Variants in SEL1L3 observed in about 807,000 individuals in gnomAD.
SEL1L3 encodes protein sel-1 homolog 3.
A neutral mutation model predicts 142.8 loss-of-function variants in SEL1L3; 76 were observed. The observed-to-expected ratio is 0.53, with a 90% confidence interval of 0.44 to 0.64. SEL1L3 has a LOEUF of 0.64. Ranked by LOEUF, SEL1L3 falls within the 30% of genes least tolerant of loss-of-function variation. SEL1L3 has a pLI of 0.00. For synonymous variants in SEL1L3, 504 were observed against 519.6 expected, an observed-to-expected ratio of 0.97 and a Z score of 0.41; for missense variants, 1,262 against 1,381.7, an observed-to-expected ratio of 0.91 and a Z score of 1.37.
chr4:25,725,611 G>A, the SEL1L3 span, among the ~76,000 whole-genome samples: 28 of 152,128 alleles, frequency 1.8e-4, no homozygotes, highest in African/African-American at 6.5e-4. Flanking sequence ...ACTGCGCCCG[G>A]CCCTGGTTGG....
intron 11 of SEL1L3, among the ~76,000 whole-genome samples, chr4:25,794,258 T>C (rs1712555759): frequency 6.6e-6 from 1 of 152,134 alleles, no homozygotes; most frequent in African/African-American, 2.4e-5. Flanking sequence ...GGGAAAACAT[T>C]TTTGCAACTT....
intron 9 of SEL1L3, among the ~76,000 whole-genome samples, chr4:25,806,163 C>G (rs549024451): frequency 6.6e-6 from 1 of 151,514 alleles, no homozygotes; most frequent in Non-Finnish European, 1.5e-5. Context: ...CTCAGCCTCC[C>G]GAGTAGCTGG....
chr4:25,801,140 C>A (rs368500804), intron 11 of SEL1L3, among the ~76,000 whole-genome samples: 5 of 152,242 alleles, frequency 3.3e-5, no homozygotes, highest in Admixed American at 6.5e-5. Context: ...CAGTGGCTCA[C>A]GCCTATAATC....
chr4:25,747,288 A>G (rs1717302558), downstream of SEL1L3: 1 of 152,102 alleles, frequency 6.6e-6, no homozygotes, highest in African/African-American at 2.4e-5. Flanking sequence ...CTTCCTATCC[A>G]CAAATATTAA....
At chr4:25,733,495 T>A in the SEL1L3 span, among the ~76,000 whole-genome samples, 1 of 151,416 alleles carries the variant, frequency 6.6e-6, no homozygotes. Flanking sequence ...ATGTAGTTGT[T>A]ATAGTATTTT....
At chr4:25,730,117 A>G in the SEL1L3 span, among the ~76,000 whole-genome samples, 1 of 152,024 alleles carries the variant, frequency 6.6e-6, no homozygotes, top group Non-Finnish European at 1.5e-5. Context: ...TATTTTTAGT[A>G]GAGACGGGGT....
intron 6 of SEL1L3, 23 bp from the exon 7 acceptor site, chr4:25,822,151 A>C (rs1294436465): frequency 6.2e-7 from 1 of 1,613,410 alleles, no homozygotes; most frequent in Non-Finnish European, 8.5e-7. Flanking sequence ...ATGAAGGATT[A>C]AGAGAGCTCC....
At chr4:25,748,626 C>CCA in intron 23 of SEL1L3, 62 bp from the exon 24 acceptor site, 1 of 1,545,756 alleles carries the variant, frequency 6.5e-7, no homozygotes, top group Non-Finnish European at 8.8e-7. Context: ...GAATGTACAA[C>CCA]CACACCTAGA....
intron 12 of SEL1L3, 64 bp downstream of exon 12, chr4:25,790,391 A>G (rs1324554547): frequency 6.6e-7 from 1 of 1,515,902 alleles, no homozygotes; most frequent in Non-Finnish European, 9.2e-7. Flanking sequence ...ATGTTTCATT[A>G]CCACGGTATA....
At chr4:25,757,910 A>G (rs775377869) in intron 21 of SEL1L3, 120 bp from the exon 22 acceptor site, 88 of 691,010 alleles carry the variant, frequency 1.3e-4, no homozygotes, top group Non-Finnish European at 2.2e-4. Flanking sequence ...GAGCACACTC[A>G]ACTGACAAAG....
chr4:25,823,707 A>G (rs58443047), intron 6 of SEL1L3, among the ~76,000 whole-genome samples: 9,035 of 152,082 alleles, frequency 0.059, 893 homozygotes, highest in African/African-American at 0.21. Flanking sequence ...CAGGAACCAC[A>G]AGGGGCAGAT....
intron 11 of SEL1L3, among the ~76,000 whole-genome samples, chr4:25,801,332 G>C (rs1186346615): frequency 6.6e-6 from 1 of 152,258 alleles, no homozygotes. Context: ...GAACCCAGGA[G>C]ATGGAGGTTG....
intron 17 of SEL1L3, among the ~76,000 whole-genome samples, chr4:25,775,315 C>T (rs1719538887): frequency 6.6e-6 from 1 of 152,206 alleles, no homozygotes; most frequent in South Asian, 2.1e-4. Context: ...CCTACACTTT[C>T]TAATTTAAGA....
intron 23 of SEL1L3, chr4:25,755,796 G>T: frequency 1.2e-6 from 1 of 846,042 alleles, no homozygotes; most frequent in South Asian, 5.4e-5. Flanking sequence ...ACAAATTTCA[G>T]CTCCTCTAAC....
intron 9 of SEL1L3, among the ~76,000 whole-genome samples, chr4:25,813,836 A>C (rs1714190368): frequency 6.6e-6 from 1 of 152,200 alleles, no homozygotes; most frequent in African/African-American, 2.4e-5. Context: ...AAAGGTGCTG[A>C]CCTCACTGGA....
chr4:25,743,369 A>G (rs755684203), downstream of SEL1L3, among the ~76,000 whole-genome samples: 15 of 152,172 alleles, frequency 9.9e-5, no homozygotes, highest in Non-Finnish European at 1.9e-4. Flanking sequence ...TCACCTCTGT[A>G]CCCTACCCTC....
rs1417462020 is a variant in SEL1L3 at position 25,819,969 on chromosome 4, C to T, written c.1291-29G>A. On this transcript the variant is annotated intron_variant, in intron 7 of 23. Transcript: ENST00000399878. ...CAAGAAGGCAAGAAAGTCAAATGAA[C>T]AACAATTGTCATCAAATATCCATCC... is the stretch of plus-strand genomic sequence containing the variant. 4 of 1,595,862 alleles carry T rather than the reference C, an allele frequency of 2.5e-6. No individual in the cohort carries two copies. In the African/African-American group the frequency reaches 4.0e-5, roughly 16 times the overall value.
chr4:25,787,610 G>A (rs886285072), intron 13 of SEL1L3, among the ~76,000 whole-genome samples: 6 of 152,164 alleles, frequency 3.9e-5, no homozygotes, highest in Admixed American at 6.5e-5. Context: ...GTGAGCCACC[G>A]CGCCAGGCCA....
intron 16 of SEL1L3, among the ~76,000 whole-genome samples, chr4:25,778,442 A>G (rs555156874): frequency 1.3e-5 from 2 of 152,350 alleles, no homozygotes; most frequent in Non-Finnish European, 2.9e-5. Flanking sequence ...AGCTTAGCAA[A>G]TAAACAATAA....
Sources: allele counts gnomAD v4.1 joint callset (sites outside exome capture counted in the v4.1 genomes callset), GRCh38; gene constraint gnomAD v4.1.1; transcripts MANE v1.5; gene names NCBI Gene and HGNC (gene_info 2026-07-23, HGNC 2026-07-21).